The following TIAM1 variants were observed in gnomAD, a reference collection of about 807,000 sequenced individuals.
TIAM1 encodes the protein rho guanine nucleotide exchange factor TIAM1.
In TIAM1, 65 loss-of-function variants were observed where a neutral mutation model predicts 163.5. The ratio of observed to expected loss-of-function variants is 0.40; its 90% CI spans 0.33 to 0.49. The LOEUF (loss-of-function observed/expected upper bound fraction) is 0.49. Ranked by LOEUF, TIAM1 falls within the 20% of genes least tolerant of loss-of-function variation. The pLI, the probability that TIAM1 is intolerant of heterozygous loss-of-function variation, is 0.77. For synonymous variants in TIAM1, 833 were observed against 810.1 expected, an observed-to-expected ratio of 1.03 and a Z score of -0.48; for missense variants, 1,789 against 2,044.7, an observed-to-expected ratio of 0.87 and a Z score of 2.41.
At chr21:31,451,709 ATGTGTGTGCGTGTGTGTGTGTG>A (rs2044850365) in intron 2 of TIAM1, among the ~76,000 whole-genome samples, 1 of 41,588 alleles carries the variant, frequency 2.4e-5, no homozygotes. Context: ...GAGTGAAAGC[ATGTGTGTGCGTGTGTGTGTGTG>A]TGTGTGTGTG....
Position 31,538,493 on chromosome 21 carries a change from A to G in TIAM1, c.-422+20434T>C, listed in dbSNP as rs899381971. Among the ~76,000 whole-genome samples, 5 of 152,212 alleles carry G rather than the reference A, an allele frequency of 3.3e-5. No individual in the cohort carries two copies. In the East Asian group the frequency reaches 7.7e-4, roughly 23 times the overall value. On this transcript the variant is annotated intron_variant, in intron 1 of 28. Transcript: ENST00000286827. ...ATATAAATTAAAAAGTATTTTTAAA[A>G]TAAGTAAATATATACATAATGTTAG... is the stretch of plus-strand genomic sequence containing the variant.
chr21:31,216,203 G>T (rs2087200313), intron 9 of TIAM1, among the ~76,000 whole-genome samples: 1 of 152,056 alleles, frequency 6.6e-6, no homozygotes, highest in African/African-American at 2.4e-5. Context: ...AAACCAATGA[G>T]TATCACAGTC....
chr21:31,128,125 C>T (rs2146222714), intron 25 of TIAM1, among the ~76,000 whole-genome samples: 1 of 152,334 alleles, frequency 6.6e-6, no homozygotes, highest in South Asian at 2.1e-4. Flanking sequence ...TGAAGTCTCA[C>T]TTTTATCCAG....
chr21:31,153,446 A>G (rs377126177), intron 17 of TIAM1, among the ~76,000 whole-genome samples: 3 of 152,228 alleles, frequency 2.0e-5, no homozygotes, highest in African/African-American at 7.2e-5. Context: ...TTCTCATCAA[A>G]CTTTATTTGC....
intron 10 of TIAM1, among the ~76,000 whole-genome samples, chr21:31,210,784 A>AAGAAAGAAAGAG (rs2086832602): frequency 7.1e-6 from 1 of 141,302 alleles, no homozygotes; most frequent in Non-Finnish European, 1.5e-5. Flanking sequence ...GAAAGAAAGA[A>AAGAAAGAAAGAG]AGAAAGAAAG....
intron 8 of TIAM1, among the ~76,000 whole-genome samples, chr21:31,218,581 G>C (rs1040271661): frequency 2.0e-5 from 3 of 151,216 alleles, no homozygotes; most frequent in Non-Finnish European, 4.4e-5. Context: ...AAAAAAAAGC[G>C]GGGGGTGGGG....
intron 1 of TIAM1, among the ~76,000 whole-genome samples, chr21:31,523,361 A>G (rs934710221): frequency 5.3e-5 from 8 of 152,228 alleles, no homozygotes; most frequent in African/African-American, 1.9e-4. Flanking sequence ...GATTTTATAT[A>G]AGCAGCAGAA....
intron 1 of TIAM1, among the ~76,000 whole-genome samples, chr21:31,479,354 C>G (rs1228903571): frequency 6.6e-6 from 1 of 150,444 alleles, no homozygotes; most frequent in Non-Finnish European, 1.5e-5. Context: ...TATAATTATG[C>G]ATGTGGATGG....
At chr21:31,421,225 G>C (rs1211049193) in intron 2 of TIAM1, among the ~76,000 whole-genome samples, 1 of 151,202 alleles carries the variant, frequency 6.6e-6, no homozygotes, top group Non-Finnish European at 1.5e-5. Flanking sequence ...TTAAAGAAGA[G>C]AGGACATACA....
chr21:31,451,936 A>G (rs1446213145), intron 2 of TIAM1, among the ~76,000 whole-genome samples: 1 of 152,198 alleles, frequency 6.6e-6, no homozygotes, highest in East Asian at 1.9e-4. Flanking sequence ...CACCCAGACT[A>G]AAAATCTGGT....
At chr21:31,481,020 G>A (rs150392060) in intron 1 of TIAM1, among the ~76,000 whole-genome samples, 130 of 152,290 alleles carry the variant, frequency 8.5e-4, no homozygotes, top group African/African-American at 3.0e-3. Context: ...CTCCCAAAGT[G>A]CTGGGATTAC....
At chr21:31,471,213 C>G (rs1041443643) in intron 1 of TIAM1, among the ~76,000 whole-genome samples, 1 of 152,158 alleles carries the variant, frequency 6.6e-6, no homozygotes, top group Non-Finnish European at 1.5e-5. Context: ...CAACGAAGCC[C>G]GGAGCTGTCT....
chr21:31,168,088 CTTA>C (rs1039027228), intron 15 of TIAM1, among the ~76,000 whole-genome samples: 11 of 145,388 alleles, frequency 7.6e-5, no homozygotes, highest in African/African-American at 1.4e-4. Context: ...CCCTGAGATT[CTTA>C]TTATTTTTTT....
In TIAM1 at chr21:31,295,602, G is replaced by A. The variant is rs181217763; in HGVS notation, c.-188-18694C>T. 2.4e-3 allele frequency among the ~76,000 whole-genome samples: 363 copies of A among 152,052 alleles called. 1 individual carries two copies. The highest frequency in any genetic ancestry group is 8.4e-3 in the African/African-American group (350 of 41,486). On this transcript the variant is annotated intron_variant, in intron 2 of 27. Transcript: ENST00000541036. ...ATACGATAAACTCAGAGGCTATGAA[G>A]AGGGAGGCATGCAACTTAATGAAAT... is the stretch of plus-strand genomic sequence containing the variant.
intron 2 of TIAM1, among the ~76,000 whole-genome samples, chr21:31,284,417 C>T (rs1285473882): frequency 2.0e-5 from 3 of 152,184 alleles, no homozygotes; most frequent in African/African-American, 4.8e-5. Flanking sequence ...GCAACAGGCA[C>T]AGGAGGAAGC....
chr21:31,417,793 AAACAT>A (rs1242756705), intron 2 of TIAM1, among the ~76,000 whole-genome samples: 1 of 152,202 alleles, frequency 6.6e-6, no homozygotes, highest in South Asian at 2.1e-4. Flanking sequence ...GCTGAAAAAG[AAACAT>A]GACAGAACCC....
intron 2 of TIAM1, among the ~76,000 whole-genome samples, chr21:31,297,673 C>T (rs998690100): frequency 1.3e-5 from 2 of 152,118 alleles, no homozygotes; most frequent in East Asian, 1.9e-4. Context: ...CATGAGCCAC[C>T]GTGCCCGGCC....
chr21:31,368,745 ATAGAG>A (rs1404433413), intron 2 of TIAM1, among the ~76,000 whole-genome samples: 2 of 152,228 alleles, frequency 1.3e-5, no homozygotes, highest in Non-Finnish European at 2.9e-5. Context: ...GATAAGCTAC[ATAGAG>A]TAGCAGCAGG....
At chr21:31,220,317 G>A (rs1485423869) in intron 8 of TIAM1, among the ~76,000 whole-genome samples, 6 of 152,228 alleles carry the variant, frequency 3.9e-5, no homozygotes, top group African/African-American at 1.4e-4. Context: ...TAAAACTGAC[G>A]GATGCCAGGC....
Sources: gnomAD v4.1 joint callset for allele counts (sites outside exome capture counted in the v4.1 genomes callset) on GRCh38, gnomAD v4.1.1 for gene constraint, MANE v1.5 for transcripts, NCBI Gene and HGNC (gene_info 2026-07-23, HGNC 2026-07-21) for gene names.